TONSL: variants seen among roughly 807,000 people sequenced by gnomAD.
TONSL encodes the protein tonsoku like, DNA repair protein.
In TONSL, 112 loss-of-function variants were observed where a neutral mutation model predicts 147.1. The ratio of observed to expected loss-of-function variants is 0.76; its 90% CI spans 0.65 to 0.89. The LOEUF (loss-of-function observed/expected upper bound fraction) is 0.89, where lower values mean the gene tolerates loss of function less well. TONSL is among the 40% of genes least tolerant of loss of function. The pLI is 0.00. For synonymous variants in TONSL, 868 were observed against 801.5 expected (o/e 1.08, Z -1.40); for missense variants, 1,883 against 1,864.6 (o/e 1.01, Z -0.18).
chr8:144,443,030 G>A lies in TONSL; in HGVS notation c.448+108C>T, dbSNP rs116065037. The A allele has an allele frequency of 0.013, 17,568 of 1,359,982 alleles. 1,498 individuals are homozygous for A. In the African/African-American group the frequency reaches 0.21, roughly 16 times the overall value. 84.2% of individuals were successfully genotyped at this position (1,359,982 alleles called of 1,614,324 possible). ...ACCCCTCACACAAGAGCCTTGCAAA[G>A]GGAGGGCTCCAGAAGACGGGATTGC... On this transcript the variant is annotated intron_variant, in intron 4 of 25. Coordinates refer to ENST00000409379, the MANE Select transcript of TONSL (RefSeq NM_013432.5).
At chr8:144,442,458 A>G in intron 5 of TONSL, 46 bp from the exon 6 acceptor site, 1 of 1,510,786 alleles carries the variant, frequency 6.6e-7, no homozygotes, top group Non-Finnish European at 8.8e-7. Context: ...TGTCCATGAC[A>G]GCTGCTGATG....
At position 144,437,104 on chromosome 8, in the gene TONSL, G is replaced by A. The variant is rs1823497334; in HGVS notation, c.1654-5C>T. 1.9e-6 allele frequency: 3 copies of A among 1,612,348 alleles called. No homozygotes were observed. Among genetic ancestry groups the A allele is most frequent in the African/African-American group, 1.3e-5 (1 of 74,932 alleles). On this transcript the variant is annotated splice_polypyrimidine_tract_variant and splice_region_variant and intron_variant, in intron 13 of 25. Transcript: ENST00000409379. Reference sequence around the variant, plus strand: ...CCGAGGGTTAAGGGGGTGGCCCTGTGACCAAGGACAGGAAGGAGCCTGGCC... The same window carrying A: ...CCGAGGGTTAAGGGGGTGGCCCTGTAACCAAGGACAGGAAGGAGCCTGGCC...
Position 144,436,626 on chromosome 8 carries a change from A to G in TONSL, c.1946T>C (p.Leu649Pro), listed in dbSNP as rs758685574. The G allele has an allele frequency of 4.3e-6, 7 of 1,612,152 alleles. No individual in the cohort carries two copies. Among genetic ancestry groups the G allele is most frequent in the Non-Finnish European group, 5.1e-6 (6 of 1,179,946 alleles). Residue 649 changes from leucine (L) to proline (P), a missense_variant, in exon 16 of 26, where the codon CTG becomes CCG. Leu to Pro is a moderately conservative substitution (Grantham distance 98, BLOSUM62 -3). Coordinates refer to ENST00000409379, the MANE Select transcript of TONSL (RefSeq NM_013432.5). ...QQWVKLYRRDLDLETRQKARA... is the reference protein window; with the variant it reads ...QQWVKLYRRDPDLETRQKARA... ...GGCCTTCTGCCGCGTCTCCAGGTCC[A>G]GGTCCCTGCGGTACAGCTTCACCCA...
chr8:144,432,328 C>G lies in TONSL; in HGVS notation c.3692G>C (p.Gly1231Ala), dbSNP rs1554878886. The stretch of plus-strand genomic sequence containing the variant: ...TACAGGCTCCATGAGGTCCGAATCA[C>G]CCTTGCCGGCTGCCACGGAGCTGAG... ...LELSSVAAGK[G>A]DSDLMEPVFR... The change falls in exon 23 of 26, where the codon GGT becomes GCT. Residue 1231 changes from glycine (G) to alanine (A), a missense_variant. Transcript: ENST00000409379. 3.1e-6 allele frequency: 5 copies of G among 1,613,706 alleles called. No individual in the cohort carries two copies. The highest frequency in any genetic ancestry group is 3.3e-4 in the Middle Eastern group (2 of 6,058).
intron 23 of TONSL, among the ~76,000 whole-genome samples, chr8:144,431,492 G>GCATT (rs1554878652): frequency 6.6e-6 from 1 of 152,066 alleles, no homozygotes; most frequent in African/African-American, 2.4e-5. Flanking sequence ...CTGTACAAAA[G>GCATT]CATTCCCCCA....
rs151224603 is a variant in TONSL at position 144,433,717 on chromosome 8, C to T, written c.3430G>A (p.Gly1144Ser). 2.4e-5 allele frequency: 39 copies of T among 1,606,930 alleles called. No homozygotes were observed. The highest frequency in any genetic ancestry group is 3.4e-5 in the Admixed American group (2 of 58,746). Residue 1144 changes from glycine (G) to serine (S), a missense_variant, in exon 22 of 26, where the codon GGC becomes AGC. Gly to Ser is a moderately conservative substitution (Grantham distance 56). Transcript: ENST00000409379. The stretch of plus-strand genomic sequence containing the variant: ...AGGGAGGCCAGGGACTGGCCACAGC[C>T]GTCCCCCAGGGGGTTCATGCTTAAG... Reference protein sequence around the residue: ...LDLSMNPLGDGCGQSLASLLH... With the variant: ...LDLSMNPLGDSCGQSLASLLH...
At chr8:144,443,481 C>T (rs741970) in intron 3 of TONSL, 160 bp from the exon 4 acceptor site, 13,156 of 695,290 alleles carry the variant, frequency 0.019, 962 homozygotes, top group East Asian at 0.16. Context: ...CTCTGCATGC[C>T]AAGGGCTCTC....
At chr8:144,440,931 T>C in intron 8 of TONSL, 35 bp downstream of exon 8, 5 of 1,612,874 alleles carry the variant, frequency 3.1e-6, no homozygotes, top group Non-Finnish European at 3.4e-6. Context: ...TCAACCTCAC[T>C]GGCCCTTCCC....
At chr8:144,439,685 A>G (rs750805294) in intron 11 of TONSL, 1 of 361,960 alleles carries the variant, frequency 2.8e-6, no homozygotes, top group Non-Finnish European at 5.0e-6. Context: ...GAAGGGTTTC[A>G]GGAAGGTGCT....
chr8:144,428,783 ATTTAT>A lies in TONSL; in HGVS notation c.*355_*359del, dbSNP rs1200082851. 2 of 142,048 alleles carry A rather than the reference ATTTAT, an allele frequency of 1.4e-5. No individual in the cohort carries two copies. The highest frequency in any genetic ancestry group is 2.0e-4 in the East Asian group (1 of 5,032). The allele number at this position is 142,048 out of a possible 1,614,324, so 8.8% of individuals were successfully genotyped here. A position where few individuals can be genotyped will look rare whatever the true frequency, so the allele number is the denominator to read the frequency against. On this transcript the variant is annotated 3_prime_UTR_variant, in exon 26 of 26. Coordinates refer to ENST00000409379, the MANE Select transcript of TONSL (RefSeq NM_013432.5). The stretch of plus-strand genomic sequence containing the variant: ...CCACGGGGAGGGAGGCAGCAGCTTC[ATTTAT>A]TTTATTTTTTTTTTTTTTTGAGACG...
intron 5 of TONSL, 110 bp downstream of exon 5, chr8:144,442,567 A>C: frequency 2.0e-6 from 3 of 1,504,790 alleles, no homozygotes; most frequent in Non-Finnish European, 1.8e-6. Context: ...TGGGGGGATG[A>C]GGCCCAGCCA....
chr8:144,436,669 G>A lies in TONSL; in HGVS notation c.1903C>T (p.Leu635=). The A allele has an allele frequency of 6.2e-7, 1 of 1,612,078 alleles. No individual in the cohort carries two copies. The highest frequency in any genetic ancestry group is 8.5e-7 in the Non-Finnish European group (1 of 1,179,942). ...TLRTRKGLSP[L]ETLQQWVKLY... is the part of the protein sequence containing the mutation. ...TTCACCCACTGCTGCAGCGTCTCCAGCGGGCTGAGGCCCTGTGTGGCATCA... is the reference window on the plus strand; with the variant it reads ...TTCACCCACTGCTGCAGCGTCTCCAACGGGCTGAGGCCCTGTGTGGCATCA... The change falls in exon 16 of 26, where the codon CTG becomes TTG. Residue 635 remains leucine (L), a synonymous_variant. Coordinates refer to ENST00000409379, the MANE Select transcript of TONSL (RefSeq NM_013432.5).
Position 144,430,525 on chromosome 8 carries a change from CAG to C in TONSL, c.3820_3821del (p.Leu1274ValfsTer14), listed in dbSNP as rs782813533. On this transcript the variant is annotated frameshift_variant, in exon 25 of 26. Transcript: ENST00000409379. LOFTEE classifies it high-confidence loss of function. The stretch of plus-strand genomic sequence containing the variant: ...GATCCAGTGAGATGAGTGAGGGGCA[CAG>C]AGAGAGACATCTGAGATAACATGGG... ...AVRDLCRCLS[L>X]CPSLISLDLS... 11 of 1,610,910 alleles carry C rather than the reference CAG, an allele frequency of 6.8e-6. No homozygotes were observed. The highest frequency in any genetic ancestry group is 2.2e-5 in the East Asian group (1 of 44,766).
intron 20 of TONSL, 100 bp from the exon 21 acceptor site, chr8:144,434,379 G>T (rs114490096): frequency 3.8e-6 from 4 of 1,053,972 alleles, no homozygotes; most frequent in Middle Eastern, 6.4e-4. Context: ...AGCCCCAGGG[G>T]TCACCCACCA....
intron 14 of TONSL, 21 bp downstream of exon 14, chr8:144,437,006 C>T: frequency 1.2e-6 from 2 of 1,613,030 alleles, no homozygotes; most frequent in Non-Finnish European, 1.7e-6. Flanking sequence ...GTGCGCCAGG[C>T]TCCTTCTGTC....
chr8:144,430,367 C>T (rs1238351430), intron 25 of TONSL, 37 bp downstream of exon 25: 39 of 1,532,624 alleles, frequency 2.5e-5, no homozygotes, highest in South Asian at 7.5e-5. Flanking sequence ...CTGAAAAGGC[C>T]GAACATGGCA....
chr8:144,441,244 T>A, intron 7 of TONSL, 133 bp from the exon 8 acceptor site: 1 of 1,286,636 alleles, frequency 7.8e-7, no homozygotes, highest in Non-Finnish European at 1.1e-6. Flanking sequence ...GTGTGGGGGT[T>A]AATAGCAGGG....
chr8:144,433,425 T>C lies in TONSL; in HGVS notation c.3559+163A>G, dbSNP rs184029354. On this transcript the variant is annotated intron_variant, in intron 22 of 25. Transcript: ENST00000409379. Reference sequence around the variant, plus strand: ...GGGTCTCACTATGTGGGCCAGGCTTTCCTGGAACTCTTGGCTCAAGCGATA... The same window carrying C: ...GGGTCTCACTATGTGGGCCAGGCTTCCCTGGAACTCTTGGCTCAAGCGATA... 8.2e-4 allele frequency: 589 copies of C among 720,544 alleles called. 3 individuals are homozygous for C. The African/African-American group carries it at 9.3e-3, about 11-fold the overall frequency. 44.6% of individuals were successfully genotyped at this position (720,544 alleles called of 1,614,324 possible).
In TONSL at chr8:144,438,674, C is replaced by A. The variant is rs1161896420; in HGVS notation, c.1542G>T (p.Leu514=). ...TCACCTTGCTCCCCTTCCGCCGGCCCAGGTGGCCCTGAAGCTCCTCGTCCT... is the reference window on the plus strand; with the variant it reads ...TCACCTTGCTCCCCTTCCGCCGGCCAAGGTGGCCCTGAAGCTCCTCGTCCT... ...LEEDEELQGH[L]GRRKGSKWNR... The change falls in exon 12 of 26, where the codon CTG becomes CTT. Residue 514 remains leucine, a synonymous_variant. Coordinates refer to ENST00000409379, the MANE Select transcript of TONSL (RefSeq NM_013432.5). 1.2e-6 allele frequency: 2 copies of A among 1,613,148 alleles called. No individual in the cohort carries two copies. The highest frequency in any genetic ancestry group is 2.7e-5 in the African/African-American group (2 of 74,900).
Sources: gnomAD v4.1 joint callset for allele counts (sites outside exome capture counted in the v4.1 genomes callset) on GRCh38, gnomAD v4.1.1 for gene constraint, MANE v1.5 for transcripts, NCBI Gene and HGNC (gene_info 2026-07-23, HGNC 2026-07-21) for gene names.